Variants in USPL1 observed in about 807,000 individuals in gnomAD.
The protein encoded by USPL1 is ubiquitin specific peptidase like 1.
A neutral mutation model predicts 51.5 loss-of-function variants in USPL1; 27 were observed. The observed-to-expected ratio is 0.52, with a 90% CI of 0.39 to 0.72. USPL1 has a LOEUF of 0.72. Ranked by LOEUF, USPL1 falls within the 30% of genes least tolerant of loss-of-function variation. The pLI is 0.00. For synonymous variants in USPL1, 451 were observed against 459.6 expected, an observed-to-expected ratio of 0.98 and a Z score of 0.24; for missense variants, 1,226 against 1,268.0, an observed-to-expected ratio of 0.97 and a Z score of 0.50.
intron 4 of USPL1, among the ~76,000 whole-genome samples, chr13:30,635,462 G>C (rs1246465049): frequency 6.6e-6 from 1 of 152,182 alleles, no homozygotes; most frequent in African/African-American, 2.4e-5. Context: ...GTGTGCAGCT[G>C]TTCCTTAACT....
At chr13:30,647,633 G>A (rs926325305) in intron 7 of USPL1, among the ~76,000 whole-genome samples, 8 of 152,148 alleles carry the variant, frequency 5.3e-5, no homozygotes, top group African/African-American at 9.7e-5. Context: ...TCACAGGTCA[G>A]TTCCATCTCA....
intron 3 of USPL1, among the ~76,000 whole-genome samples, chr13:30,622,777 A>G (rs1950661537): frequency 6.6e-6 from 1 of 152,204 alleles, no homozygotes; most frequent in Admixed American, 6.5e-5. Context: ...ATCATCAGCC[A>G]GGTTTGGAAA....
At position 30,659,182 on chromosome 13, in the gene USPL1, T is replaced by C. The variant is rs750637544; in HGVS notation, c.3105T>C (p.Cys1035=). The part of the protein sequence containing the change: ...NYCSPTKKNP[C]EVQPDSLTNN... ...GTAGCCCCACCAAGAAAAATCCATG[T>C]GAAGTTCAGCCAGACTCTCTGACAA... is the stretch of plus-strand genomic sequence containing the variant. The change falls in exon 9 of 9, where the codon TGT becomes TGC. Residue 1035 remains cysteine (C), a synonymous_variant. Coordinates refer to ENST00000255304, the MANE Select transcript of USPL1 (RefSeq NM_005800.5). 2 of 1,613,640 alleles carry C rather than the reference T, an allele frequency of 1.2e-6. No individual in the cohort carries two copies. Among genetic ancestry groups the C allele is most frequent in the African/African-American group, 2.7e-5 (2 of 74,790 alleles).
chr13:30,655,284 T>C (rs1951146996), intron 8 of USPL1, among the ~76,000 whole-genome samples: 1 of 152,194 alleles, frequency 6.6e-6, no homozygotes, highest in Non-Finnish European at 1.5e-5. Context: ...TAAATTTTTC[T>C]TTTTGGGGAA....
intron 5 of USPL1, among the ~76,000 whole-genome samples, chr13:30,641,554 G>A (rs1422507598): frequency 1.3e-5 from 2 of 152,240 alleles, no homozygotes; most frequent in East Asian, 1.9e-4. Flanking sequence ...TCTGAGAATA[G>A]GAAGGAGAGC....
chr13:30,631,562 A>G (rs1950806662), intron 4 of USPL1, 88 bp downstream of exon 4: 1 of 1,314,432 alleles, frequency 7.6e-7, no homozygotes, highest in Non-Finnish European at 1.0e-6. Context: ...GTGCAGTGGC[A>G]TGATCATGTC....
Position 30,621,911 on chromosome 13 carries a change from A to G in USPL1, c.228+19A>G, listed in dbSNP as rs769646267. ...TCTGCAGGTAAAGTATTAATCTTAT[A>G]TAGTATATATAAGATTTTTCTTTTT... On this transcript the variant is annotated intron_variant, in intron 3 of 8. Transcript: ENST00000255304. 6 of 1,397,594 alleles carry G rather than the reference A, an allele frequency of 4.3e-6. No individual in the cohort carries two copies. Among genetic ancestry groups the G allele is most frequent in the Admixed American group, 2.8e-5 (1 of 36,260 alleles). 86.6% of individuals were successfully genotyped at this position (1,397,594 alleles called of 1,614,324 possible).
In USPL1 at chr13:30,631,240, A is replaced by T. The variant is rs745519774; in HGVS notation, c.634A>T (p.Met212Leu). The T allele has an allele frequency of 6.2e-7, 1 of 1,614,190 alleles. No individual in the cohort carries two copies. Among genetic ancestry groups the T allele is most frequent in the East Asian group, 2.2e-5 (1 of 44,876 alleles). ...TGAAGGATGTACATCTAAACTGGAA[A>T]TGCCACTGGAGAGCAAATGTACATC... Reference protein sequence around the residue: ...QNEGCTSKLEMPLESKCTSFP... With the variant: ...QNEGCTSKLELPLESKCTSFP... Residue 212 changes from methionine (M) to leucine (L), a missense_variant, in exon 4 of 9, where the codon ATG (methionine) becomes TTG (leucine). Transcript: ENST00000255304.
At chr13:30,643,271 G>A (rs1258355015) in intron 6 of USPL1, among the ~76,000 whole-genome samples, 2 of 152,118 alleles carry the variant, frequency 1.3e-5, no homozygotes, top group Non-Finnish European at 2.9e-5. Flanking sequence ...GGCCATGATC[G>A]ATGTACCTGT....
At chr13:30,622,145 T>C (rs1371021991) in intron 3 of USPL1, among the ~76,000 whole-genome samples, 1 of 152,106 alleles carries the variant, frequency 6.6e-6, no homozygotes, top group Non-Finnish European at 1.5e-5. Flanking sequence ...TTTTCTTTTT[T>C]TTTAACCTTT....
rs375058625 is a variant in USPL1 at position 30,659,167 on chromosome 13, C to G, written c.3090C>G (p.Thr1030=). 1 of 1,613,986 alleles carries G rather than the reference C, an allele frequency of 6.2e-7. No homozygotes were observed. The highest frequency in any genetic ancestry group is 1.3e-5 in the African/African-American group (1 of 74,898). Residue 1030 remains threonine, a synonymous_variant, in exon 9 of 9, where the codon ACC becomes ACG. Coordinates refer to ENST00000255304, the MANE Select transcript of USPL1 (RefSeq NM_005800.5). ...AGGACCATAATTATTGTAGCCCCAC[C>G]AAGAAAAATCCATGTGAAGTTCAGC... The part of the protein sequence containing the change: ...LRQDHNYCSP[T]KKNPCEVQPD...
At chr13:30,641,247 TTGC>T (rs1185172681) in intron 5 of USPL1, among the ~76,000 whole-genome samples, 2 of 152,238 alleles carry the variant, frequency 1.3e-5, no homozygotes, top group African/African-American at 4.8e-5. Flanking sequence ...ATGATTGTTA[TTGC>T]TTAGGTAATA....
chr13:30,623,880 C>T (rs960120384), intron 3 of USPL1, among the ~76,000 whole-genome samples: 1 of 152,176 alleles, frequency 6.6e-6, no homozygotes, highest in East Asian at 1.9e-4. Flanking sequence ...AAGCTTCATA[C>T]CTCTTCTGTC....
At chr13:30,627,420 GATTAT>G (rs1950732192) in intron 3 of USPL1, among the ~76,000 whole-genome samples, 1 of 152,088 alleles carries the variant, frequency 6.6e-6, no homozygotes, top group Non-Finnish European at 1.5e-5. Flanking sequence ...TGGGAGCACA[GATTAT>G]ATAGAGAAAA....
Position 30,631,060 on chromosome 13 carries a change from A to G in USPL1, c.454A>G (p.Asn152Asp), listed in dbSNP as rs1456660406. Residue 152 changes from asparagine (N) to aspartate (D), a missense_variant, in exon 4 of 9, where the codon AAC becomes GAC. Transcript: ENST00000255304. ...NGEVYDETSS[N>D]LPDSSGQQNP... ...AGAAGTATATGACGAAACCTCGTCAAACTTACCTGATAGTAGTGGTCAACA... is the reference window on the plus strand; with the variant it reads ...AGAAGTATATGACGAAACCTCGTCAGACTTACCTGATAGTAGTGGTCAACA... 1 of 1,614,066 alleles carries G rather than the reference A, an allele frequency of 6.2e-7. No homozygotes were observed. The highest frequency in any genetic ancestry group is 1.3e-5 in the African/African-American group (1 of 74,936).
chr13:30,649,566 T>G (rs1951061564), intron 7 of USPL1, among the ~76,000 whole-genome samples: 2 of 152,186 alleles, frequency 1.3e-5, no homozygotes, highest in African/African-American at 4.8e-5. Flanking sequence ...CTTTAAGTTG[T>G]TTAGGAGTTA....
rs560151491 is a variant in USPL1 at position 30,617,943 on chromosome 13, G to T, written c.-182G>T. 3 of 152,392 alleles carry T rather than the reference G, an allele frequency of 2.0e-5. No homozygotes were observed. Among genetic ancestry groups the T allele is most frequent in the Non-Finnish European group, 2.9e-5 (2 of 68,188 alleles). The allele number at this position is 152,392 out of a possible 1,614,324, so 9.4% of individuals were successfully genotyped here. A position where few individuals can be genotyped will look rare whatever the true frequency, so the allele number is the denominator to read the frequency against. The stretch of plus-strand genomic sequence containing the variant: ...CCGCCTTCCTAGTGGAGACGCGAGT[G>T]GGGGAGGAGCAGTCCGAGGGGAACG... On this transcript the variant is annotated 5_prime_UTR_variant, in exon 1 of 9. Coordinates refer to ENST00000255304, the MANE Select transcript of USPL1 (RefSeq NM_005800.5).
intron 1 of USPL1, among the ~76,000 whole-genome samples, chr13:30,620,435 A>G (rs1428241462): frequency 6.6e-6 from 1 of 152,212 alleles, no homozygotes; most frequent in Admixed American, 6.5e-5. Context: ...TCTGCACCAT[A>G]GGACTGCACT....
intron 4 of USPL1, among the ~76,000 whole-genome samples, chr13:30,633,551 T>A (rs893230296): frequency 2.0e-5 from 3 of 151,838 alleles, no homozygotes; most frequent in Admixed American, 2.0e-4. Context: ...CGGGCAGATC[T>A]CATGAGGTCA....
Sources: gnomAD v4.1 joint callset for allele counts (sites outside exome capture counted in the v4.1 genomes callset) on GRCh38, gnomAD v4.1.1 for gene constraint, MANE v1.5 for transcripts, NCBI Gene and HGNC (gene_info 2026-07-23, HGNC 2026-07-21) for gene names.